Variants in DIAPH3 observed in about 807,000 individuals in gnomAD.
DIAPH3 encodes the protein protein diaphanous homolog 3.
A neutral mutation model predicts 144.3 loss-of-function variants in DIAPH3; 117 were observed. That is an observed-to-expected ratio of 0.81 (90% CI 0.70 to 0.95). The LOEUF (loss-of-function observed/expected upper bound fraction) is 0.95. DIAPH3 is among the 40% of genes least tolerant of loss of function. DIAPH3 has a pLI of 0.00. For missense variants in DIAPH3, 1,421 were observed against 1,412.7 expected (o/e 1.01, Z -0.09); for synonymous variants, 519 against 488.9 (o/e 1.06, Z -0.81).
intron 17 of DIAPH3, among the ~76,000 whole-genome samples, chr13:59,963,221 C>T (rs2049859430): frequency 6.6e-6 from 1 of 152,096 alleles, no homozygotes; most frequent in African/African-American, 2.4e-5. Flanking sequence ...ATTAAATGCA[C>T]AGAATACATT....
chr13:60,093,790 A>C, intron 3 of DIAPH3, 58 bp from the exon 4 acceptor site: 1 of 1,072,164 alleles, frequency 9.3e-7, no homozygotes, highest in Non-Finnish European at 1.4e-6. Flanking sequence ...GCAATTCTAC[A>C]TGCACTACAA....
chr13:59,774,411 T>C (rs2038285875), intron 26 of DIAPH3, among the ~76,000 whole-genome samples, 163 bp from the exon 27 acceptor site: 1 of 152,168 alleles, frequency 6.6e-6, no homozygotes, highest in African/African-American at 2.4e-5. Context: ...GACTTTTACT[T>C]CCCATTTAAT....
intron 4 of DIAPH3, among the ~76,000 whole-genome samples, chr13:60,049,102 G>C (rs961940142): frequency 6.6e-6 from 1 of 152,276 alleles, no homozygotes; most frequent in Admixed American, 6.5e-5. Flanking sequence ...ATTCACTACT[G>C]ATAAATGCAA....
intron 17 of DIAPH3, among the ~76,000 whole-genome samples, chr13:59,925,501 TG>T (rs1458256992): frequency 1.2e-4 from 19 of 152,324 alleles, no homozygotes; most frequent in South Asian, 6.2e-4. Flanking sequence ...TCAGGAATAT[TG>T]GTCTAAGTTT....
intron 12 of DIAPH3, among the ~76,000 whole-genome samples, chr13:59,984,347 T>C (rs1014916103): frequency 2.6e-5 from 4 of 151,766 alleles, no homozygotes; most frequent in Non-Finnish European, 4.4e-5. Flanking sequence ...TGAAATCAAA[T>C]TTAAAACTGG....
At chr13:59,689,427 AAAAC>A (rs1350808908) in intron 27 of DIAPH3, among the ~76,000 whole-genome samples, 7 of 152,088 alleles carry the variant, frequency 4.6e-5, no homozygotes, top group Admixed American at 1.3e-4. Context: ...ACTAAAATAA[AAAAC>A]AAACAGAGTC....
chr13:59,753,860 C>A (rs551684817), intron 27 of DIAPH3, among the ~76,000 whole-genome samples: 22 of 152,226 alleles, frequency 1.4e-4, no homozygotes, highest in Middle Eastern at 3.4e-3. Flanking sequence ...CTTTTATGGG[C>A]TCAAAGAGAT....
intron 1 of DIAPH3, among the ~76,000 whole-genome samples, chr13:60,161,861 AAAT>A (rs1952311356): frequency 6.6e-6 from 1 of 152,242 alleles, no homozygotes; most frequent in African/African-American, 2.4e-5. Flanking sequence ...TTAAAATAAA[AAAT>A]AATTGCTAAA....
intron 25 of DIAPH3, among the ~76,000 whole-genome samples, chr13:59,781,521 T>G (rs1268961895): frequency 6.6e-6 from 1 of 152,156 alleles, no homozygotes; most frequent in Non-Finnish European, 1.5e-5. Context: ...GATGTCCCAG[T>G]CTCAGAGCAG....
intron 12 of DIAPH3, among the ~76,000 whole-genome samples, chr13:59,987,202 A>C (rs1156656989): frequency 3.3e-5 from 5 of 151,904 alleles, no homozygotes; most frequent in Non-Finnish European, 7.4e-5. Flanking sequence ...GGAAATCATC[A>C]TTCTCAGTAA....
chr13:59,666,918 A>T, intron 27 of DIAPH3, 72 bp from the exon 28 acceptor site: 1 of 1,525,910 alleles, frequency 6.6e-7, no homozygotes, highest in South Asian at 1.1e-5. Flanking sequence ...TATGAAACAC[A>T]TTTAAAATAA....
chr13:59,936,829 G>C (rs2048287640), intron 17 of DIAPH3, among the ~76,000 whole-genome samples: 1 of 151,996 alleles, frequency 6.6e-6, no homozygotes, highest in African/African-American at 2.4e-5. Flanking sequence ...TTGAATGTTG[G>C]TGTTTCCCAG....
intron 5 of DIAPH3, among the ~76,000 whole-genome samples, chr13:60,025,557 C>G (rs558195774): frequency 4.5e-4 from 66 of 148,066 alleles, no homozygotes; most frequent in Middle Eastern, 3.6e-3. Context: ...CCAAGTAAAC[C>G]TGACATAACA....
intron 4 of DIAPH3, among the ~76,000 whole-genome samples, chr13:60,084,648 G>A (rs1482047932): frequency 6.6e-6 from 1 of 151,812 alleles, no homozygotes; most frequent in East Asian, 1.9e-4. Context: ...TAATATACAA[G>A]GAATAGTCAA....
intron 20 of DIAPH3, among the ~76,000 whole-genome samples, chr13:59,888,535 T>C (rs1468625885): frequency 6.6e-6 from 1 of 152,160 alleles, no homozygotes; most frequent in Non-Finnish European, 1.5e-5. Context: ...CCTCTTTTTA[T>C]ATTTTCTCTG....
chr13:60,088,960 G>T (rs1025755462), intron 4 of DIAPH3, among the ~76,000 whole-genome samples: 2 of 152,034 alleles, frequency 1.3e-5, no homozygotes, highest in African/African-American at 4.8e-5. Context: ...AATTGATAGA[G>T]AAAAAATATA....
chr13:59,820,438 ATG>A (rs1404991289), intron 24 of DIAPH3, among the ~76,000 whole-genome samples: 2 of 151,918 alleles, frequency 1.3e-5, no homozygotes, highest in Non-Finnish European at 2.9e-5. Context: ...TCTAAATCTA[ATG>A]TTCATTATGA....
Position 59,833,140 on chromosome 13 carries a change from A to T in DIAPH3, c.2994T>A (p.Leu998=), listed in dbSNP as rs182679873. ...DVKKVSVEDF[L]TDLNNFRTTF... ...TGGTTCTGAAGTTATTCAGGTCAGT[A>T]AGAAAGTCTTCCACAGACACCTTCT... Residue 998 remains leucine (L), a synonymous_variant, in exon 24 of 28, where the codon CTT becomes CTA. Transcript: ENST00000400324. 1 of 1,610,772 alleles carries T rather than the reference A, an allele frequency of 6.2e-7. No individual in the cohort carries two copies. The highest frequency in any genetic ancestry group is 8.5e-7 in the Non-Finnish European group (1 of 1,178,072).
At chr13:60,158,919 A>C (rs907269485) in intron 1 of DIAPH3, among the ~76,000 whole-genome samples, 1 of 151,302 alleles carries the variant, frequency 6.6e-6, no homozygotes, top group Non-Finnish European at 1.5e-5. Flanking sequence ...AAAAAAAAAA[A>C]AAAAAAAAAA....
Sources: allele counts gnomAD v4.1 joint callset (sites outside exome capture counted in the v4.1 genomes callset), GRCh38; gene constraint gnomAD v4.1.1; transcripts MANE v1.5; gene names NCBI Gene and HGNC (gene_info 2026-07-23, HGNC 2026-07-21).